The following TMPRSS6 variants were observed in gnomAD, a reference collection of about 807,000 sequenced individuals.
TMPRSS6 encodes transmembrane protease serine 6.
A neutral mutation model predicts 101.5 loss-of-function variants in TMPRSS6; 67 were observed. That is an observed-to-expected ratio of 0.66 (90% CI 0.54 to 0.81). The LOEUF is 0.81. Ranked by LOEUF, TMPRSS6 falls within the 30% of genes least tolerant of loss-of-function variation. The pLI, the probability that TMPRSS6 is intolerant of heterozygous loss-of-function variation, is 0.00. For missense variants in TMPRSS6, 1,034 were observed against 1,088.7 expected, an observed-to-expected ratio of 0.95 and a Z score of 0.71; for synonymous variants, 453 against 464.9, an observed-to-expected ratio of 0.97 and a Z score of 0.33.
chr22:37,110,429 C>G (rs192180416), upstream of TMPRSS6, among the ~76,000 whole-genome samples: 1 of 151,988 alleles, frequency 6.6e-6, no homozygotes, highest in African/African-American at 2.4e-5. Context: ...CAGGCATGAG[C>G]GACCGCACGC....
At chr22:37,093,371 C>CCTTT (rs1569018875) in intron 6 of TMPRSS6, among the ~76,000 whole-genome samples, 5 of 143,864 alleles carry the variant, frequency 3.5e-5, no homozygotes, top group Admixed American at 7.0e-5. Flanking sequence ...CTTTTCCTTT[C>CCTTT]CTTTCTTTCT....
chr22:37,089,537 TTTTCCAG>T, intron 7 of TMPRSS6, 34 bp downstream of exon 7: 3 of 1,530,780 alleles, frequency 2.0e-6, no homozygotes, highest in Non-Finnish European at 2.7e-6. Context: ...AACCACTCCC[TTTTCCAG>T]CCCTCCCTCC....
At position 37,086,328 on chromosome 22, in the gene TMPRSS6, A is replaced by G. The variant is rs916375086; in HGVS notation, c.928T>C (p.Tyr310His). The change falls in exon 8 of 18, where the codon TAC becomes CAC. Residue 310 changes from tyrosine (Y) to histidine (H), a missense_variant. Physicochemically the swap from Tyr to His is moderately conservative, Grantham distance 83. Coordinates refer to ENST00000676104, the MANE Select transcript of TMPRSS6 (RefSeq NM_001374504.1). ...ACGGAGAGCACGAAGGGGTCGTAGTAGCTGTGCAGGCCCTTCTTCCAGACG... is the reference window on the plus strand; with the variant it reads ...ACGGAGAGCACGAAGGGGTCGTAGTGGCTGTGCAGGCCCTTCTTCCAGACG... The part of the protein sequence containing the change: ...AVVWKKGLHS[Y>H]YDPFVLSVQP... The G allele has an allele frequency of 6.2e-7, 1 of 1,614,070 alleles. No individual in the cohort carries two copies. Among genetic ancestry groups the G allele is most frequent in the Non-Finnish European group, 8.5e-7 (1 of 1,179,992 alleles).
At chr22:37,095,402 G>T in intron 6 of TMPRSS6, 149 bp downstream of exon 6, 1 of 953,186 alleles carries the variant, frequency 1.0e-6, no homozygotes, top group Non-Finnish European at 1.6e-6. Flanking sequence ...GGGACACATC[G>T]CTGAGTCCAC....
At position 37,070,950 on chromosome 22, in the gene TMPRSS6, G is replaced by A. The variant is rs772825632; in HGVS notation, c.1638C>T (p.Pro546=). 2.3e-5 allele frequency: 37 copies of A among 1,613,150 alleles called. No homozygotes were observed. Among genetic ancestry groups the A allele is most frequent in the Middle Eastern group, 1.6e-4 (1 of 6,072 alleles). The change falls in exon 14 of 18, where the codon CCC becomes CCT. Residue 546 remains proline, a synonymous_variant. Transcript: ENST00000676104. The part of the protein sequence containing the change: ...KKPNPQCDGR[P]DCRDGSDEEH... ...CCTCATCCGAGCCGTCCCTGCAGTC[G>A]GGCCGCCCATCACACTGCGGGTTGG...
intron 10 of TMPRSS6, among the ~76,000 whole-genome samples, chr22:37,078,053 A>G (rs1434771757): frequency 1.3e-5 from 2 of 152,206 alleles, no homozygotes; most frequent in South Asian, 2.1e-4. Flanking sequence ...CTGTTTGTCT[A>G]TAAAGTTATC....
At chr22:37,089,544 G>GGCCCCC in intron 7 of TMPRSS6, 34 bp downstream of exon 7, 3 of 1,348,856 alleles carry the variant, frequency 2.2e-6, no homozygotes, top group East Asian at 2.4e-5. Flanking sequence ...CCCTTTTCCA[G>GGCCCCC]CCCTCCCTCC....
intron 16 of TMPRSS6, among the ~76,000 whole-genome samples, chr22:37,067,712 A>G (rs1223573146): frequency 7.0e-6 from 1 of 142,888 alleles, no homozygotes; most frequent in African/African-American, 2.7e-5. Flanking sequence ...TGCATATCAC[A>G]GTCCCCCGGG....
At chr22:37,066,736 G>C (rs1926322565) in intron 17 of TMPRSS6, 90 bp downstream of exon 17, 1 of 1,567,732 alleles carries the variant, frequency 6.4e-7, no homozygotes, top group African/African-American at 1.4e-5. Flanking sequence ...GGAGGCTTCA[G>C]CAGGCTGATG....
rs1026709138 is a variant in TMPRSS6 at position 37,097,244 on chromosome 22, G to C, written c.337-529C>G. ...CCCTACCTCATGGAGGAGGAAACGG[G>C]CAGCCTCAGGCTGGGTCCCTCAGAA... On this transcript the variant is annotated intron_variant, in intron 3 of 17. Transcript: ENST00000676104. 5.9e-5 allele frequency among the ~76,000 whole-genome samples: 9 copies of C among 152,338 alleles called. No homozygotes were observed. The East Asian group carries it at 9.6e-4, about 16-fold the overall frequency.
chr22:37,077,342 A>G (rs1927761965), intron 10 of TMPRSS6, among the ~76,000 whole-genome samples: 2 of 152,048 alleles, frequency 1.3e-5, no homozygotes, highest in South Asian at 4.1e-4. Flanking sequence ...TGAGCCCCCT[A>G]CATGCCCCAT....
In TMPRSS6 at chr22:37,098,487, G is replaced by A. The variant is rs763450881; in HGVS notation, c.265C>T (p.His89Tyr). 1 of 1,614,070 alleles carries A rather than the reference G, an allele frequency of 6.2e-7. No homozygotes were observed. Among genetic ancestry groups the A allele is most frequent in the Admixed American group, 1.7e-5 (1 of 60,026 alleles). ...CGGCGGGTAAGATCCTGGGAGAAGTGGCGATTGAGTACACGCAGACTGCCT... is the reference window on the plus strand; with the variant it reads ...CGGCGGGTAAGATCCTGGGAGAAGTAGCGATTGAGTACACGCAGACTGCCT... ...YSGSLRVLNR[H>Y]FSQDLTRRES... The change falls in exon 3 of 18, where the codon CAC (histidine) becomes TAC (tyrosine). Residue 89 changes from histidine to tyrosine, a missense_variant. His to Tyr is a moderately conservative substitution (Grantham distance 83, BLOSUM62 2). Transcript: ENST00000676104.
chr22:37,073,814 G>A (rs1004752627), intron 12 of TMPRSS6, among the ~76,000 whole-genome samples, 169 bp from the exon 13 acceptor site: 13 of 152,144 alleles, frequency 8.5e-5, no homozygotes, highest in Non-Finnish European at 1.8e-4. Flanking sequence ...GGAGTGCGAT[G>A]GCATGATCTC....
Position 37,075,120 on chromosome 22 carries a change from G to C in TMPRSS6, c.1342+15C>G, listed in dbSNP as rs773276748. ...CGAGTCACTGCAGGGGGTTCCCCCG[G>C]CTGCCCATACTCACGGTCCGACTGG... is the stretch of plus-strand genomic sequence containing the variant. On this transcript the variant is annotated intron_variant, in intron 11 of 17. Coordinates refer to ENST00000676104, the MANE Select transcript of TMPRSS6 (RefSeq NM_001374504.1). 1 of 1,613,734 alleles carries C rather than the reference G, an allele frequency of 6.2e-7. No individual in the cohort carries two copies.
rs192971071 is a variant in TMPRSS6 at position 37,089,873 on chromosome 22, G to A, written c.632-91C>T. 313 of 1,358,486 alleles carry A rather than the reference G, an allele frequency of 2.3e-4. 1 individual carries two copies. In the African/African-American group the frequency reaches 3.1e-3, roughly 13 times the overall value. The allele number at this position is 1,358,486 out of a possible 1,614,324, so 84.2% of individuals were successfully genotyped here. On this transcript the variant is annotated intron_variant, in intron 6 of 17. Transcript: ENST00000676104. ...CAGGTCCCTCAAGGTCCTCCACCAG[G>A]CAGGATGGGCTGGGCAGGGGAGCCG...
At chr22:37,098,167 C>T (rs886376229) in intron 3 of TMPRSS6, among the ~76,000 whole-genome samples, 1 of 151,716 alleles carries the variant, frequency 6.6e-6, no homozygotes, top group East Asian at 1.9e-4. Context: ...ACTGTGGGAC[C>T]TTTCCCAAGG....
Position 37,103,112 on chromosome 22 carries a change from G to T in TMPRSS6, c.202+104C>A. On this transcript the variant is annotated intron_variant, in intron 2 of 17. Transcript: ENST00000676104. The surrounding 1 kb of genome is among the most constrained non-coding windows in gnomAD (Gnocchi z 4.4). ...CTTGCCCAAGGTCACACAGCAATAT[G>T]CTAAGCACGGCTGAGCCTGGAACCC... is the stretch of plus-strand genomic sequence containing the variant. 8.0e-7 allele frequency: 1 copy of T among 1,242,638 alleles called. No individual in the cohort carries two copies. The highest frequency in any genetic ancestry group is 1.8e-5 in the Admixed American group (1 of 54,054). 77.0% of individuals were successfully genotyped at this position (1,242,638 alleles called of 1,614,324 possible).
At chr22:37,109,477 C>T (rs952042033) in intron 1 of TMPRSS6, 26 bp downstream of exon 1, 1 of 152,646 alleles carries the variant, frequency 6.6e-6, no homozygotes, top group African/African-American at 2.4e-5. Context: ...AGATCCCGGT[C>T]CCCTGTCCTG....
intron 10 of TMPRSS6, among the ~76,000 whole-genome samples, chr22:37,075,710 C>A (rs1927572676): frequency 6.6e-6 from 1 of 152,198 alleles, no homozygotes; most frequent in African/African-American, 2.4e-5. Context: ...CGAGACCAGA[C>A]TGACCAACAT....
Sources: allele counts gnomAD v4.1 joint callset (sites outside exome capture counted in the v4.1 genomes callset), GRCh38; gene constraint gnomAD v4.1.1; non-coding constraint Gnocchi (gnomAD v3.1); transcripts MANE v1.5; gene names NCBI Gene and HGNC (gene_info 2026-07-23, HGNC 2026-07-21).